DLG2: variants seen among roughly 807,000 people sequenced by gnomAD.
DLG2 encodes disks large homolog 2.
In DLG2, 45 loss-of-function variants were observed where a neutral mutation model predicts 132.5. The ratio of observed to expected loss-of-function variants is 0.34; its 90% CI spans 0.27 to 0.44. DLG2 has a LOEUF of 0.44. Ranked by LOEUF, DLG2 falls within the 20% of genes least tolerant of loss-of-function variation. DLG2 has a pLI of 1.00. For missense variants in DLG2, 1,045 were observed against 1,196.9 expected (o/e 0.87, Z 1.87); for synonymous variants, 424 against 419.6 (o/e 1.01, Z -0.13).
chr11:83,754,455 C>T (rs1056014810), intron 18 of DLG2, among the ~76,000 whole-genome samples: 3 of 151,194 alleles, frequency 2.0e-5, no homozygotes, highest in Admixed American at 6.6e-5. Flanking sequence ...TTTAGGACTC[C>T]CATTATGGAG....
intron 7 of DLG2, among the ~76,000 whole-genome samples, chr11:84,338,776 A>C (rs983697515): frequency 1.3e-5 from 2 of 152,202 alleles, no homozygotes; most frequent in African/African-American, 4.8e-5. Context: ...ACTGCACTCC[A>C]GCCTGGGTGA....
At chr11:85,213,992 G>A (rs778997313) in intron 4 of DLG2, among the ~76,000 whole-genome samples, 5 of 152,082 alleles carry the variant, frequency 3.3e-5, no homozygotes, top group African/African-American at 1.2e-4. Context: ...AAGTAAAGAA[G>A]ATAAGCTCTG....
At chr11:85,079,471 G>C (rs1328807514) in intron 6 of DLG2, among the ~76,000 whole-genome samples, 1 of 147,822 alleles carries the variant, frequency 6.8e-6, no homozygotes, top group African/African-American at 2.5e-5. Context: ...CAGTTGGTTG[G>C]GGGAGGCTTA....
chr11:84,712,982 T>C (rs1481848898), intron 6 of DLG2, among the ~76,000 whole-genome samples: 1 of 152,134 alleles, frequency 6.6e-6, no homozygotes, highest in Admixed American at 6.5e-5. Flanking sequence ...AATAACCTCA[T>C]GCAGAAAATG....
intron 6 of DLG2, among the ~76,000 whole-genome samples, chr11:85,094,067 T>C (rs1184792095): frequency 6.6e-6 from 1 of 152,244 alleles, no homozygotes; most frequent in African/African-American, 2.4e-5. Context: ...ATTTCAACTT[T>C]AGGATTTTAA....
At chr11:83,795,409 G>A (rs7105461) in intron 17 of DLG2, among the ~76,000 whole-genome samples, 75,504 of 125,346 alleles carry the variant, frequency 0.6, 20,206 homozygotes, top group Middle Eastern at 0.76. Context: ...CTCTTTATAA[G>A]AAAAAAAATA....
At chr11:83,856,644 C>G (rs896607077) in intron 16 of DLG2, among the ~76,000 whole-genome samples, 9 of 152,058 alleles carry the variant, frequency 5.9e-5, no homozygotes, top group African/African-American at 1.7e-4. Flanking sequence ...CTTCTGTAAA[C>G]TTTTCATGTC....
chr11:85,226,194 A>G (rs2074964800), intron 4 of DLG2, among the ~76,000 whole-genome samples: 1 of 151,056 alleles, frequency 6.6e-6, no homozygotes, highest in South Asian at 2.1e-4. Context: ...CTAATATAAT[A>G]ATATAATTGT....
chr11:85,299,766 G>A (rs1051720111), intron 3 of DLG2, among the ~76,000 whole-genome samples: 1 of 152,182 alleles, frequency 6.6e-6, no homozygotes, highest in African/African-American at 2.4e-5. Context: ...GTAGGGCCTA[G>A]AATTTACTTT....
At position 85,374,735 on chromosome 11, in the gene DLG2, A is replaced by T. The variant is rs910139852; in HGVS notation, c.41-89370T>A. ...GAAACCACTCAAGTACCTCACCCTA[A>T]CTACAAAGAATCTTCTATCATTGCT... On this transcript the variant is annotated intron_variant, in intron 3 of 27. Coordinates refer to ENST00000376104, the MANE Select transcript of DLG2 (RefSeq NM_001142699.3). Among the ~76,000 whole-genome samples, 2 of 152,202 alleles carry T rather than the reference A, an allele frequency of 1.3e-5. 1 individual carries two copies. Among genetic ancestry groups the T allele is most frequent in the Non-Finnish European group, 2.9e-5 (2 of 68,030 alleles).
intron 3 of DLG2, among the ~76,000 whole-genome samples, chr11:85,593,958 A>G (rs2079550666): frequency 6.6e-6 from 1 of 152,160 alleles, no homozygotes. Context: ...TTGTATCCCT[A>G]TTGCATAGCA....
intron 6 of DLG2, among the ~76,000 whole-genome samples, chr11:84,976,559 C>A (rs1157876059): frequency 6.6e-6 from 1 of 151,946 alleles, no homozygotes; most frequent in Non-Finnish European, 1.5e-5. Context: ...TTATCAAGTG[C>A]CAGAGTAAAT....
chr11:84,192,670 C>T (rs1244732508), intron 8 of DLG2, among the ~76,000 whole-genome samples: 1 of 152,112 alleles, frequency 6.6e-6, no homozygotes, highest in African/African-American at 2.4e-5. Flanking sequence ...GTGGAGGTTG[C>T]AGTGAGCCAA....
At chr11:84,361,196 T>C (rs1359041165) in intron 7 of DLG2, among the ~76,000 whole-genome samples, 1 of 151,896 alleles carries the variant, frequency 6.6e-6, no homozygotes, top group African/African-American at 2.4e-5. Flanking sequence ...TAATGACCAA[T>C]AGTTTTCCAC....
At chr11:84,877,228 C>T (rs373872211) in intron 6 of DLG2, among the ~76,000 whole-genome samples, 1 of 152,070 alleles carries the variant, frequency 6.6e-6, no homozygotes, top group African/African-American at 2.4e-5. Flanking sequence ...GAGTTCAAGT[C>T]CTGAATATTC....
At chr11:84,285,995 C>G (rs2097905997) in intron 7 of DLG2, among the ~76,000 whole-genome samples, 1 of 152,248 alleles carries the variant, frequency 6.6e-6, no homozygotes, top group South Asian at 2.1e-4. Context: ...AGAAGACACA[C>G]TGAGTGGTTC....
chr11:84,696,250 C>A (rs917907075), intron 6 of DLG2, among the ~76,000 whole-genome samples: 1 of 151,302 alleles, frequency 6.6e-6, no homozygotes, highest in Non-Finnish European at 1.5e-5. Flanking sequence ...GGTTTTTGAC[C>A]CCTTACTATT....
At chr11:85,060,907 T>C (rs1463702062) in intron 6 of DLG2, among the ~76,000 whole-genome samples, 1 of 151,418 alleles carries the variant, frequency 6.6e-6, no homozygotes, top group Non-Finnish European at 1.5e-5. Context: ...TTTTGCTTTT[T>C]TGTTTTGTTT....
At chr11:83,588,007 C>T (rs938634023) in intron 19 of DLG2, among the ~76,000 whole-genome samples, 1 of 151,770 alleles carries the variant, frequency 6.6e-6, no homozygotes, top group Non-Finnish European at 1.5e-5. Context: ...ACGGAGTCGC[C>T]TAGCACAGCA....
Sources: allele counts gnomAD v4.1 joint callset (sites outside exome capture counted in the v4.1 genomes callset), GRCh38; gene constraint gnomAD v4.1.1; transcripts MANE v1.5; gene names NCBI Gene and HGNC (gene_info 2026-07-23, HGNC 2026-07-21).